Variants in STAT4 observed in about 807,000 individuals in gnomAD.
STAT4 encodes signal transducer and activator of transcription 4.
Under a neutral mutation model 110.5 loss-of-function variants are expected in STAT4, and 42 were observed. The ratio of observed to expected loss-of-function variants is 0.38; its 90% CI spans 0.30 to 0.49. STAT4 has a LOEUF of 0.49. Ranked by LOEUF, STAT4 falls within the 20% of genes least tolerant of loss-of-function variation. The probability of loss-of-function intolerance (pLI) is 0.95; values close to 1 mark genes in which losing one functional copy is unlikely to be tolerated. For synonymous variants in STAT4, 284 were observed against 302.2 expected (o/e 0.94, Z 0.63); for missense variants, 632 against 887.9 (o/e 0.71, Z 3.66).
chr2:191,084,042 T>A (rs1264362882), intron 3 of STAT4, among the ~76,000 whole-genome samples: 1 of 151,996 alleles, frequency 6.6e-6, no homozygotes, highest in African/African-American at 2.4e-5. Context: ...GACAAGCAGA[T>A]CATGAGGTCA....
At position 191,043,577 on chromosome 2, in the gene STAT4, C is replaced by G. The variant is rs775588462; in HGVS notation, c.1252-2429G>C. On this transcript the variant is annotated intron_variant, in intron 14 of 23. Coordinates refer to ENST00000392320, the MANE Select transcript of STAT4 (RefSeq NM_003151.4). The surrounding 1 kb of genome is among the most constrained non-coding windows in gnomAD (Gnocchi z 4.8). ...GTTGAATCATCTGATTCTGACTCAT[C>G]TGCTACCAAATATATATAGGTCAAA... Among the ~76,000 whole-genome samples the G allele has an allele frequency of 5.3e-5, 8 of 151,930 alleles. No homozygotes were observed. The highest frequency in any genetic ancestry group is 1.0e-4 in the Non-Finnish European group (7 of 68,004).
At position 191,059,062 on chromosome 2, in the gene STAT4, A is replaced by G. The variant is rs905363908; in HGVS notation, c.1035-293T>C. Among the ~76,000 whole-genome samples, 6 of 152,168 alleles carry G rather than the reference A, an allele frequency of 3.9e-5. No homozygotes were observed. Among genetic ancestry groups the G allele is most frequent in the Admixed American group, 3.3e-4 (5 of 15,284 alleles). ...ATACGTTGGCCAGGTCAGAAAAAAA[A>G]AAGCTATATATTTTGGCTAAAGCTC... is the stretch of plus-strand genomic sequence containing the variant. On this transcript the variant is annotated intron_variant, in intron 10 of 23. Transcript: ENST00000392320. This position sits in a 1 kb window ranked among gnomAD's most constrained non-coding sequence, Gnocchi z 4.7.
At chr2:191,072,737 T>C (rs1697202413) in intron 5 of STAT4, among the ~76,000 whole-genome samples, 1 of 152,154 alleles carries the variant, frequency 6.6e-6, no homozygotes, top group South Asian at 2.1e-4. Flanking sequence ...AAATGAGAGA[T>C]GTGATGTTAC....
chr2:191,049,993 C>T (rs866599797), intron 14 of STAT4, among the ~76,000 whole-genome samples: 9 of 152,306 alleles, frequency 5.9e-5, no homozygotes, highest in Middle Eastern at 6.8e-3. Flanking sequence ...GAACACTGAA[C>T]CTTGAAAGAA....
In STAT4 at chr2:191,146,694, C is replaced by A. The variant is rs1574204001; in HGVS notation, c.192G>T (p.Leu64=). ...TGGAAACACGACCTAACTGTTCATC[C>A]AGTTGTATTAACAAGTTTTGAAGAA... ...TILLQNLLIQ[L]DEQLGRVSKE... is the part of the protein sequence containing the mutation. Residue 64 remains leucine, a synonymous_variant, in exon 3 of 24, where the codon CTG becomes CTT. Transcript: ENST00000392320. This position sits in a 1 kb window ranked among gnomAD's most constrained non-coding sequence, Gnocchi z 4.5. The A allele has an allele frequency of 6.3e-7, 1 of 1,590,320 alleles. No individual in the cohort carries two copies. The highest frequency in any genetic ancestry group is 8.6e-7 in the Non-Finnish European group (1 of 1,168,910).
intron 14 of STAT4, among the ~76,000 whole-genome samples, chr2:191,052,906 C>T (rs1365202189): frequency 2.0e-5 from 3 of 152,164 alleles, no homozygotes; most frequent in East Asian, 1.9e-4. Flanking sequence ...AAACTCTGCT[C>T]CTGTGATTTC....
intron 3 of STAT4, among the ~76,000 whole-genome samples, chr2:191,094,199 G>A (rs1697891976): frequency 6.6e-6 from 1 of 152,198 alleles, no homozygotes; most frequent in South Asian, 2.1e-4. Context: ...TCCCAACCTA[G>A]GGAGGCAGGC....
At chr2:191,044,914 G>A (rs544298393) in intron 14 of STAT4, among the ~76,000 whole-genome samples, 1 of 152,230 alleles carries the variant, frequency 6.6e-6, no homozygotes, top group African/African-American at 2.4e-5. Flanking sequence ...AAAACTAAAA[G>A]TAATACAAGA....
chr2:191,089,384 A>G (rs1339598893), intron 3 of STAT4, among the ~76,000 whole-genome samples: 1 of 152,214 alleles, frequency 6.6e-6, no homozygotes, highest in East Asian at 1.9e-4. Context: ...CAGAACAATC[A>G]AAATCCAGCA....
At chr2:191,151,387 C>T, upstream of STAT4, 2 of 985,680 alleles carry the variant, frequency 2.0e-6, no homozygotes, top group Non-Finnish European at 2.4e-6. This position sits in a 1 kb window ranked among gnomAD's most constrained non-coding sequence, Gnocchi z 4.7. Flanking sequence ...TCCACTCAGC[C>T]TGGTGAACCA....
At chr2:191,125,041 C>T (rs557978605) in intron 3 of STAT4, among the ~76,000 whole-genome samples, 14 of 152,020 alleles carry the variant, frequency 9.2e-5, no homozygotes, top group Non-Finnish European at 1.6e-4. Context: ...TGTAAGAATC[C>T]GAGGGAAAAG....
chr2:191,033,974 C>T lies in STAT4; in HGVS notation c.1652G>A (p.Trp551Ter), dbSNP rs776531286. The T allele has an allele frequency of 6.2e-7, 1 of 1,611,762 alleles. No individual in the cohort carries two copies. Among genetic ancestry groups the T allele is most frequent in the Non-Finnish European group, 8.5e-7 (1 of 1,179,158 alleles). Residue 551 changes from tryptophan to a stop codon, truncating the protein, a stop_gained, in exon 19 of 24, where the codon TGG becomes TAG. Coordinates refer to ENST00000392320, the MANE Select transcript of STAT4 (RefSeq NM_003151.4). LOFTEE classifies it high-confidence loss of function. This position sits in a 1 kb window ranked among gnomAD's most constrained non-coding sequence, Gnocchi z 6.9. The part of the protein sequence containing the change: ...EHLPGKSFTF[W>*]TWLEAILDLI... Reference sequence around the variant, plus strand: ...ATCCAATATTGCTTCAAGCCATGTCCAAAAGGTAAATGATTTACCAGGTAA... The same window carrying T: ...ATCCAATATTGCTTCAAGCCATGTCTAAAAGGTAAATGATTTACCAGGTAA...
chr2:191,077,046 A>G lies in STAT4; in HGVS notation c.274-721T>C, dbSNP rs748452092. ...GTCCCTATTTGGTACTGTTTGTGTC[A>G]ACTAGCTCATAGCTGCATTAGTATA... On this transcript the variant is annotated intron_variant, in intron 3 of 23. Transcript: ENST00000392320. The surrounding 1 kb of genome is among the most constrained non-coding windows in gnomAD (Gnocchi z 4.1). 2.0e-5 allele frequency among the ~76,000 whole-genome samples: 3 copies of G among 152,162 alleles called. No individual in the cohort carries two copies. The highest frequency in any genetic ancestry group is 4.4e-5 in the Non-Finnish European group (3 of 68,036).
At chr2:191,125,923 T>C (rs1698869497) in intron 3 of STAT4, among the ~76,000 whole-genome samples, 2 of 152,218 alleles carry the variant, frequency 1.3e-5, no homozygotes, top group Non-Finnish European at 2.9e-5. Flanking sequence ...ACCAACATCC[T>C]CCCTGAGTCA....
Position 191,039,737 on chromosome 2 carries a change from C to G in STAT4, c.1336-440G>C, listed in dbSNP as rs927529954. Among the ~76,000 whole-genome samples the G allele has an allele frequency of 3.3e-5, 5 of 152,306 alleles. No homozygotes were observed. The South Asian group carries it at 6.2e-4, about 19-fold the overall frequency. ...ACCTAACACCTAATTAACATAAACA[C>G]TGGAAGTGGGAGGTTTCTATTGTAA... On this transcript the variant is annotated intron_variant, in intron 15 of 23. Transcript: ENST00000392320. This position sits in a 1 kb window ranked among gnomAD's most constrained non-coding sequence, Gnocchi z 4.7.
At position 191,042,463 on chromosome 2, in the gene STAT4, T is replaced by C. The variant is rs138470497; in HGVS notation, c.1252-1315A>G. Among the ~76,000 whole-genome samples the C allele has an allele frequency of 9.2e-5, 14 of 152,318 alleles. No homozygotes were observed. The East Asian group carries it at 2.7e-3, about 29-fold the overall frequency. On this transcript the variant is annotated intron_variant, in intron 14 of 23. Transcript: ENST00000392320. The surrounding 1 kb of genome is among the most constrained non-coding windows in gnomAD (Gnocchi z 4.2). Reference sequence around the variant, plus strand: ...TGGGAAGATAGTGCTTAGATACTGATTTGAACAAACCAACTGTCAAATGGC... The same window carrying C: ...TGGGAAGATAGTGCTTAGATACTGACTTGAACAAACCAACTGTCAAATGGC...
At chr2:191,084,083 G>A (rs571035059) in intron 3 of STAT4, among the ~76,000 whole-genome samples, 185 of 152,122 alleles carry the variant, frequency 1.2e-3, no homozygotes, top group Non-Finnish European at 2.2e-3. Context: ...CCAACAAGGT[G>A]AAACCCCGTC....
chr2:191,033,461 C>G lies in STAT4; in HGVS notation c.1852+29G>C. ...TAACCAAATTTAAGAAAACTAATTTCACATGAATAAACATTAGTGAGTATA... is the reference window on the plus strand; with the variant it reads ...TAACCAAATTTAAGAAAACTAATTTGACATGAATAAACATTAGTGAGTATA... On this transcript the variant is annotated intron_variant, in intron 20 of 23. Transcript: ENST00000392320. The surrounding 1 kb of genome is among the most constrained non-coding windows in gnomAD (Gnocchi z 6.9). The G allele has an allele frequency of 6.3e-7, 1 of 1,584,900 alleles. No individual in the cohort carries two copies.
intron 7 of STAT4, among the ~76,000 whole-genome samples, chr2:191,065,644 T>C (rs967989286): frequency 5.9e-5 from 9 of 152,190 alleles, no homozygotes; most frequent in African/African-American, 1.9e-4. Flanking sequence ...TTATTATGCA[T>C]AAAAACATTA....
Sources: allele counts gnomAD v4.1 joint callset (sites outside exome capture counted in the v4.1 genomes callset), GRCh38; gene constraint gnomAD v4.1.1; non-coding constraint Gnocchi (gnomAD v3.1); transcripts MANE v1.5; gene names NCBI Gene and HGNC (gene_info 2026-07-23, HGNC 2026-07-21).